WDR25: variants seen among roughly 807,000 people sequenced by gnomAD.
The protein encoded by WDR25 is WD repeat-containing protein 25.
A neutral mutation model predicts 47.7 loss-of-function variants in WDR25; 35 were observed. That is an observed-to-expected ratio of 0.73 (90% confidence interval 0.56 to 0.97). The LOEUF (loss-of-function observed/expected upper bound fraction) is 0.97, where lower values mean the gene tolerates loss of function less well. Ranked by LOEUF, WDR25 falls within the 50% of genes least tolerant of loss-of-function variation. The pLI is 0.00. For synonymous variants in WDR25, 248 were observed against 278.9 expected (o/e 0.89, Z 1.10); for missense variants, 634 against 704.7 (o/e 0.90, Z 1.14).
rs565228563 is a variant in WDR25 at position 100,502,332 on chromosome 14, G to C, written c.1101+18208G>C. Among the ~76,000 whole-genome samples, 11 of 152,312 alleles carry C rather than the reference G, an allele frequency of 7.2e-5. No homozygotes were observed. The highest frequency in any genetic ancestry group is 2.4e-4 in the African/African-American group (10 of 41,568). On this transcript the variant is annotated intron_variant, in intron 4 of 6. Coordinates refer to ENST00000402312, the MANE Select transcript of WDR25 (RefSeq NM_001161476.3). This position sits in a 1 kb window ranked among gnomAD's most constrained non-coding sequence, Gnocchi z 4.5. ...GGCTCTCATGAGCCCCCCACATTCA[G>C]TGCCCTCATTCCCTGGTCCTCAGTT...
chr14:100,460,018 A>G (rs898271260), intron 2 of WDR25, among the ~76,000 whole-genome samples: 1 of 148,284 alleles, frequency 6.7e-6, no homozygotes, highest in Non-Finnish European at 1.5e-5. Flanking sequence ...AACTCATTCT[A>G]TGAGGCCATG....
chr14:100,404,619 C>T lies in WDR25; in HGVS notation c.822+22873C>T, dbSNP rs1319825521. The stretch of plus-strand genomic sequence containing the variant: ...TATCTCTGTAGTGCTTCCTCCCAGG[C>T]ATAGGGTCCGCTGGAGGCCTGGCGT... On this transcript the variant is annotated intron_variant, in intron 2 of 6. Transcript: ENST00000402312. The surrounding 1 kb of genome is among the most constrained non-coding windows in gnomAD (Gnocchi z 4.6). Among the ~76,000 whole-genome samples, 1 of 152,168 alleles carries T rather than the reference C, an allele frequency of 6.6e-6. No individual in the cohort carries two copies. The highest frequency in any genetic ancestry group is 1.5e-5 in the Non-Finnish European group (1 of 68,014).
chr14:100,406,257 G>A (rs1437009937), intron 2 of WDR25, among the ~76,000 whole-genome samples: 2 of 152,220 alleles, frequency 1.3e-5, no homozygotes, highest in Non-Finnish European at 2.9e-5. Context: ...TATTGATGGT[G>A]TGGGTTTGGC....
At chr14:100,469,970 G>A (rs528191571) in intron 3 of WDR25, among the ~76,000 whole-genome samples, 1 of 152,342 alleles carries the variant, frequency 6.6e-6, no homozygotes, top group East Asian at 1.9e-4. Context: ...GCCTACCCTG[G>A]AGAAGCTCCT....
intron 2 of WDR25, among the ~76,000 whole-genome samples, chr14:100,448,449 G>T (rs950960803): frequency 6.6e-6 from 1 of 152,060 alleles, no homozygotes; most frequent in African/African-American, 2.4e-5. Context: ...GGTGAGAAGC[G>T]CCCCAGAAAG....
chr14:100,475,155 A>T (rs763644867), intron 3 of WDR25, among the ~76,000 whole-genome samples: 17 of 152,256 alleles, frequency 1.1e-4, no homozygotes, highest in Admixed American at 3.9e-4. Context: ...ATTGGTGAGG[A>T]TGTGGAGAAA....
Position 100,529,632 on chromosome 14 carries a change from G to T in WDR25, c.1414-188G>T. 1.5e-6 allele frequency: 1 copy of T among 664,792 alleles called. No homozygotes were observed. The highest frequency in any genetic ancestry group is 2.8e-5 in the East Asian group (1 of 36,344). 41.2% of individuals were successfully genotyped at this position (664,792 alleles called of 1,614,324 possible). ...GCTGGATCTGCTGAACTGGCCTTGGGATGTGGGCCCGCATCAGGGCTCTAC... is the reference window on the plus strand; with the variant it reads ...GCTGGATCTGCTGAACTGGCCTTGGTATGTGGGCCCGCATCAGGGCTCTAC... On this transcript the variant is annotated intron_variant, in intron 6 of 6. Transcript: ENST00000402312. The surrounding 1 kb of genome is among the most constrained non-coding windows in gnomAD (Gnocchi z 5.1).
At chr14:100,402,973 T>C (rs1897423989) in intron 2 of WDR25, among the ~76,000 whole-genome samples, 1 of 152,032 alleles carries the variant, frequency 6.6e-6, no homozygotes, top group Non-Finnish European at 1.5e-5. Flanking sequence ...CTCTGAGGGG[T>C]TGACAGCTGA....
At chr14:100,515,345 C>T (rs1901455293) in intron 4 of WDR25, among the ~76,000 whole-genome samples, 1 of 151,992 alleles carries the variant, frequency 6.6e-6, no homozygotes, top group Admixed American at 6.5e-5. Context: ...CGAAACCCCA[C>T]CCCTCATCTC....
chr14:100,424,088 C>T lies in WDR25; in HGVS notation c.822+42342C>T, dbSNP rs1898101529. On this transcript the variant is annotated intron_variant, in intron 2 of 6. Transcript: ENST00000402312. This position sits in a 1 kb window ranked among gnomAD's most constrained non-coding sequence, Gnocchi z 4.2. Reference sequence around the variant, plus strand: ...GCCACAGGCCATCTCGCAGGGCCTCCCTGTACCAACCAGATTGGGTATAAA... The same window carrying T: ...GCCACAGGCCATCTCGCAGGGCCTCTCTGTACCAACCAGATTGGGTATAAA... 6.6e-6 allele frequency among the ~76,000 whole-genome samples: 1 copy of T among 152,194 alleles called. No homozygotes were observed.
At chr14:100,455,475 G>C (rs1168644778) in intron 2 of WDR25, 8 of 150,398 alleles carry the variant, frequency 5.3e-5, no homozygotes, top group Admixed American at 1.3e-4. Flanking sequence ...GAATGGGGAA[G>C]AAAAAAATAT....
chr14:100,491,249 G>A lies in WDR25; in HGVS notation c.1101+7125G>A, dbSNP rs575630634. ...GGGCCCTGAGGCTCGGAAGGGCTCA[G>A]TTACACACCACAAGCACACGGCCAG... On this transcript the variant is annotated intron_variant, in intron 4 of 6. Coordinates refer to ENST00000402312, the MANE Select transcript of WDR25 (RefSeq NM_001161476.3). Among the ~76,000 whole-genome samples, 6 of 152,340 alleles carry A rather than the reference G, an allele frequency of 3.9e-5. No individual in the cohort carries two copies. In the South Asian group the frequency reaches 1.2e-3, roughly 32 times the overall value.
chr14:100,466,894 G>A (rs1158101527), intron 2 of WDR25, among the ~76,000 whole-genome samples: 14 of 152,284 alleles, frequency 9.2e-5, no homozygotes, highest in Admixed American at 8.5e-4. Flanking sequence ...CAAACTCTCC[G>A]GCAGTTCCCC....
At chr14:100,417,741 A>G (rs970956584) in intron 2 of WDR25, among the ~76,000 whole-genome samples, 8 of 152,172 alleles carry the variant, frequency 5.3e-5, no homozygotes, top group African/African-American at 1.9e-4. Flanking sequence ...ATTGGTCTGC[A>G]AGACAGACAC....
rs1898950955 is a variant in WDR25 at position 100,449,452 on chromosome 14, C to G, written c.823-18569C>G. On this transcript the variant is annotated intron_variant, in intron 2 of 6. Transcript: ENST00000402312. The surrounding 1 kb of genome is among the most constrained non-coding windows in gnomAD (Gnocchi z 4.2). ...CTTTCTGAGAGTGGTCACCTCTATT[C>G]CGGGGCCCTGCCCTGGCTGGCTGTT... 6.6e-6 allele frequency among the ~76,000 whole-genome samples: 1 copy of G among 152,214 alleles called. No individual in the cohort carries two copies. Among genetic ancestry groups the G allele is most frequent in the Non-Finnish European group, 1.5e-5 (1 of 68,042 alleles).
At position 100,491,378 on chromosome 14, in the gene WDR25, A is replaced by G. The variant is rs190015429; in HGVS notation, c.1101+7254A>G. Among the ~76,000 whole-genome samples the G allele has an allele frequency of 5.9e-5, 9 of 152,380 alleles. No homozygotes were observed. The East Asian group carries it at 1.5e-3, about 26-fold the overall frequency. On this transcript the variant is annotated intron_variant, in intron 4 of 6. Coordinates refer to ENST00000402312, the MANE Select transcript of WDR25 (RefSeq NM_001161476.3). ...TTCAGCTTTAGTCTTGAATGAACAT[A>G]CAGTCATGCACCACATAATGACGTT...
intron 3 of WDR25, among the ~76,000 whole-genome samples, chr14:100,479,953 G>C (rs547509693): frequency 6.6e-6 from 1 of 152,186 alleles, no homozygotes; most frequent in Non-Finnish European, 1.5e-5. Context: ...AGGTGGGACA[G>C]TTTCATCCCG....
intron 2 of WDR25, chr14:100,454,552 G>C: frequency 2.3e-6 from 2 of 852,144 alleles, no homozygotes; most frequent in Non-Finnish European, 3.4e-6. Flanking sequence ...TGAAGGTATT[G>C]GAGAGCAAAA....
chr14:100,416,449 A>G (rs1897871969), intron 2 of WDR25, among the ~76,000 whole-genome samples: 1 of 152,148 alleles, frequency 6.6e-6, no homozygotes, highest in Non-Finnish European at 1.5e-5. Flanking sequence ...TCACCGGCCC[A>G]TTCACCCTGC....
Sources: gnomAD v4.1 joint callset for allele counts (sites outside exome capture counted in the v4.1 genomes callset) on GRCh38, gnomAD v4.1.1 for gene constraint, Gnocchi (gnomAD v3.1) non-coding constraint, MANE v1.5 for transcripts, NCBI Gene and HGNC (gene_info 2026-07-23, HGNC 2026-07-21) for gene names.